Variants in GPAT3 observed in about 807,000 individuals in gnomAD.
GPAT3 encodes the protein 1-AGP acyltransferase 9.
A neutral mutation model predicts 58.8 loss-of-function variants in GPAT3; 53 were observed. That is an observed-to-expected ratio of 0.90 (90% CI 0.72 to 1.13). GPAT3 has a LOEUF of 1.13. Ranked by LOEUF, GPAT3 falls within the 50% of genes most tolerant of loss-of-function variation. The pLI, the probability that GPAT3 is intolerant of heterozygous loss-of-function variation, is 0.00. For missense variants in GPAT3, 511 were observed against 527.6 expected (o/e 0.97, Z 0.31); for synonymous variants, 197 against 187.4 (o/e 1.05, Z -0.42).
chr4:83,573,008 T>C (rs1725659177), intron 2 of GPAT3, among the ~76,000 whole-genome samples: 2 of 152,000 alleles, frequency 1.3e-5, no homozygotes, highest in Admixed American at 1.3e-4. Context: ...GATGCAGTAA[T>C]TAACATATTA....
intron 2 of GPAT3, among the ~76,000 whole-genome samples, chr4:83,575,470 TG>T (rs1460741946): frequency 6.6e-6 from 1 of 152,150 alleles, no homozygotes; most frequent in Non-Finnish European, 1.5e-5. Flanking sequence ...TGGAGTGCAG[TG>T]GTGCGATCTT....
At chr4:83,564,950 T>C (rs957971807) in intron 2 of GPAT3, among the ~76,000 whole-genome samples, 18 of 151,946 alleles carry the variant, frequency 1.2e-4, no homozygotes, top group Non-Finnish European at 2.5e-4. Context: ...GTTTTATTTT[T>C]TATGTTAAAA....
intron 6 of GPAT3, among the ~76,000 whole-genome samples, chr4:83,594,379 A>G (rs1726732490): frequency 6.6e-6 from 1 of 152,202 alleles, no homozygotes; most frequent in Non-Finnish European, 1.5e-5. Flanking sequence ...GAATTATTGA[A>G]ATGAAAGATG....
chr4:83,544,857 C>T (rs190045938), intron 2 of GPAT3, among the ~76,000 whole-genome samples: 16 of 150,864 alleles, frequency 1.1e-4, no homozygotes, highest in Non-Finnish European at 1.5e-5. Flanking sequence ...TTGAAGATGG[C>T]TGTCCGTGGT....
chr4:83,589,157 G>T (rs1410018772), intron 5 of GPAT3, among the ~76,000 whole-genome samples: 1 of 152,196 alleles, frequency 6.6e-6, no homozygotes, highest in African/African-American at 2.4e-5. Flanking sequence ...GCAGTCAGAA[G>T]AAACACCTGT....
At chr4:83,585,180 T>C (rs1334070807) in intron 3 of GPAT3, among the ~76,000 whole-genome samples, 1 of 152,066 alleles carries the variant, frequency 6.6e-6, no homozygotes, top group Non-Finnish European at 1.5e-5. Context: ...CAAATTGCTA[T>C]GTCAAGTCTT....
chr4:83,562,250 A>AT (rs1725203442), intron 2 of GPAT3, among the ~76,000 whole-genome samples: 4 of 130,960 alleles, frequency 3.1e-5, no homozygotes, highest in Admixed American at 8.0e-5. Flanking sequence ...TATATATATA[A>AT]AATATAGTTT....
intron 2 of GPAT3, among the ~76,000 whole-genome samples, chr4:83,554,598 C>T (rs1724881166): frequency 6.6e-6 from 1 of 152,076 alleles, no homozygotes; most frequent in South Asian, 2.1e-4. Context: ...CATGATTTTA[C>T]TTGCTCTACA....
intron 2 of GPAT3, among the ~76,000 whole-genome samples, chr4:83,569,088 G>A (rs1312837111): frequency 6.6e-6 from 1 of 152,176 alleles, no homozygotes; most frequent in Non-Finnish European, 1.5e-5. Context: ...TCATTTGTAA[G>A]GTGAATGGTT....
At chr4:83,544,877 G>A (rs937958515) in intron 2 of GPAT3, among the ~76,000 whole-genome samples, 2 of 151,612 alleles carry the variant, frequency 1.3e-5, no homozygotes, top group Admixed American at 6.6e-5. Flanking sequence ...TTTTAAAGAT[G>A]TAGTCGATGG....
At chr4:83,571,718 A>G (rs1725614255) in intron 2 of GPAT3, among the ~76,000 whole-genome samples, 1 of 102,096 alleles carries the variant, frequency 9.8e-6, no homozygotes, top group Non-Finnish European at 2.5e-5. Flanking sequence ...ATATATATAC[A>G]CACACATATA....
At chr4:83,571,684 G>GTATA (rs147620205) in intron 2 of GPAT3, among the ~76,000 whole-genome samples, 73 of 147,746 alleles carry the variant, frequency 4.9e-4, no homozygotes, top group African/African-American at 1.8e-3. Context: ...ATATATATGT[G>GTATA]TATATATATA....
chr4:83,600,570 C>G (rs1231805325), intron 11 of GPAT3, among the ~76,000 whole-genome samples: 1 of 152,066 alleles, frequency 6.6e-6, no homozygotes, highest in Non-Finnish European at 1.5e-5. Flanking sequence ...GTGGTGCAAT[C>G]TGGGTCACTG....
intron 2 of GPAT3, among the ~76,000 whole-genome samples, chr4:83,564,072 G>C (rs1373459522): frequency 6.6e-6 from 1 of 152,128 alleles, no homozygotes; most frequent in Non-Finnish European, 1.5e-5. Context: ...GTGTGATTTG[G>C]ATTGATAGTG....
chr4:83,561,591 A>C (rs1293623992), intron 2 of GPAT3, among the ~76,000 whole-genome samples: 1 of 152,118 alleles, frequency 6.6e-6, no homozygotes, highest in Non-Finnish European at 1.5e-5. Flanking sequence ...AATGATATCA[A>C]GTGTGTGATG....
intron 2 of GPAT3, among the ~76,000 whole-genome samples, chr4:83,554,917 C>A (rs185502010): frequency 1.3e-3 from 191 of 151,714 alleles, no homozygotes; most frequent in African/African-American, 4.5e-3. Context: ...GATTCTCCAG[C>A]CTCAGCCTCC....
rs1041793400 is a variant in GPAT3, at chr4:83,581,181, GT to G, written c.209-376del. Among the ~76,000 whole-genome samples the G allele has an allele frequency of 4.0e-4, 61 of 151,278 alleles. No individual in the cohort carries two copies. The Middle Eastern group carries it at 0.014, about 34-fold the overall frequency. The stretch of plus-strand genomic sequence containing the variant: ...ATTTTGCTTGCTTTTTGATTTTATG[GT>G]TTTTGTCAGGGAGAACAGAAGTCTT... On this transcript the variant is annotated intron_variant, in intron 2 of 11. Coordinates refer to ENST00000264409, the MANE Select transcript of GPAT3 (RefSeq NM_032717.5).
chr4:83,544,420 T>C, intron 1 of GPAT3, 116 bp from the exon 2 acceptor site: 1 of 1,020,082 alleles, frequency 9.8e-7, no homozygotes, highest in South Asian at 1.3e-5. Flanking sequence ...GTTAGCTCTT[T>C]AGTTCAGACA....
intron 2 of GPAT3, among the ~76,000 whole-genome samples, chr4:83,551,620 G>A (rs952171107): frequency 6.6e-5 from 10 of 151,646 alleles, no homozygotes; most frequent in African/African-American, 2.2e-4. Context: ...GGTGAAACCC[G>A]GTCTCTACTA....
Sources: gnomAD v4.1 joint callset for allele counts (sites outside exome capture counted in the v4.1 genomes callset) on GRCh38, gnomAD v4.1.1 for gene constraint, MANE v1.5 for transcripts, NCBI Gene and HGNC (gene_info 2026-07-23, HGNC 2026-07-21) for gene names.